The following UTP18 variants were observed in gnomAD, a reference collection of about 807,000 sequenced individuals.
UTP18 encodes UTP18 small subunit processome component.
Under a neutral mutation model 61.1 loss-of-function variants are expected in UTP18, and 36 were observed. The observed-to-expected ratio is 0.59, with a 90% confidence interval of 0.45 to 0.78. The LOEUF (loss-of-function observed/expected upper bound fraction) is 0.78. Ranked by LOEUF, UTP18 falls within the 30% of genes least tolerant of loss-of-function variation. The probability of loss-of-function intolerance (pLI) is 0.00; values close to 1 mark genes in which losing one functional copy is unlikely to be tolerated. For synonymous variants in UTP18, 282 were observed against 251.1 expected (o/e 1.12, Z -1.16); for missense variants, 753 against 693.9 (o/e 1.09, Z -0.96).
chr17:51,288,309 C>A, intron 11 of UTP18, 106 bp downstream of exon 11: 2 of 1,154,950 alleles, frequency 1.7e-6, no homozygotes, highest in Non-Finnish European at 2.4e-6. Context: ...AAAACAGTGG[C>A]TTCTTTTGAT....
Position 51,281,176 on chromosome 17 carries a change from C to T in UTP18, c.1204+697C>T, listed in dbSNP as rs1280574227. On this transcript the variant is annotated intron_variant, in intron 9 of 13. Transcript: ENST00000225298. ...TATATATATATATATTTTTTTTAAA[C>T]GAAAAGTTGTGTTTGGTTTTAAAGT... 5.2e-5 allele frequency among the ~76,000 whole-genome samples: 7 copies of T among 135,764 alleles called. No homozygotes were observed. The East Asian group carries it at 1.2e-3, about 23-fold the overall frequency. 89.1% of individuals were successfully genotyped at this position (135,764 alleles called of 152,430 possible).
At chr17:51,297,150 C>A in intron 13 of UTP18, 147 bp downstream of exon 13, 1 of 673,226 alleles carries the variant, frequency 1.5e-6, no homozygotes, top group African/African-American at 1.9e-5. Flanking sequence ...GGAAGTAGAT[C>A]AGGAACTGTC....
intron 9 of UTP18, among the ~76,000 whole-genome samples, chr17:51,283,719 T>A (rs1259584992): frequency 6.6e-6 from 1 of 151,714 alleles, no homozygotes; most frequent in African/African-American, 2.4e-5. Flanking sequence ...GTTCAGGCGA[T>A]TCTCATGCCT....
chr17:51,286,837 T>C lies in UTP18; in HGVS notation c.1329-1192T>C, dbSNP rs546334945. ...ATTATAAGTAGTTTTTAAATTTTTT[T>C]TATTATACTTTTAAGTTTTAGGGTA... On this transcript the variant is annotated intron_variant, in intron 10 of 13. Transcript: ENST00000225298. Among the ~76,000 whole-genome samples the C allele has an allele frequency of 8.5e-5, 13 of 152,342 alleles. No homozygotes were observed. The East Asian group carries it at 1.3e-3, about 16-fold the overall frequency.
At chr17:51,267,605 T>TGGGCTTA (rs889083814) in intron 3 of UTP18, among the ~76,000 whole-genome samples, 85 of 152,208 alleles carry the variant, frequency 5.6e-4, no homozygotes, top group Admixed American at 2.0e-4. Flanking sequence ...TATTTCCTGT[T>TGGGCTTA]AAGTTGGGCT....
Position 51,260,590 on chromosome 17 carries a change from G to A in UTP18, c.6G>A (p.Pro2=), listed in dbSNP as rs761316312. 6 of 1,611,936 alleles carry A rather than the reference G, an allele frequency of 3.7e-6. No homozygotes were observed. The highest frequency in any genetic ancestry group is 5.1e-6 in the Non-Finnish European group (6 of 1,179,482). Residue 2 remains proline (P), a synonymous_variant, in exon 1 of 14, where the codon CCG becomes CCA. Coordinates refer to ENST00000225298, the MANE Select transcript of UTP18 (RefSeq NM_016001.3). The part of the protein sequence containing the change: M[P]PERRRRMKLD... The stretch of plus-strand genomic sequence containing the variant: ...GTTTCTCCTCAAACCTAACGATGCC[G>A]CCGGAGCGGAGGAGACGAATGAAAC...
At position 51,260,632 on chromosome 17, in the gene UTP18, A is replaced by T. The variant is rs117093534; in HGVS notation, c.48A>T (p.Gly16=). ...GAATGAAACTGGACCGGAGAACCGG[A>T]GCGAAGCCGAAGCGGAAGCCCGGAA... The part of the protein sequence containing the change: ...RRRMKLDRRT[G]AKPKRKPGMR... Residue 16 remains glycine, a synonymous_variant, in exon 1 of 14, where the codon GGA becomes GGT. Coordinates refer to ENST00000225298, the MANE Select transcript of UTP18 (RefSeq NM_016001.3). 3 of 1,612,482 alleles carry T rather than the reference A, an allele frequency of 1.9e-6. No homozygotes were observed. Among genetic ancestry groups the T allele is most frequent in the African/African-American group, 1.3e-5 (1 of 74,894 alleles).
Position 51,294,033 on chromosome 17 carries a change from C to A in UTP18, c.1634C>A (p.Ala545Asp). The change falls in exon 12 of 14, where the codon GCC (alanine) becomes GAC (aspartate). Residue 545 changes from alanine to aspartate, a missense_variant. Ala to Asp is a moderately radical substitution (Grantham distance 126). Transcript: ENST00000225298. ...GCCTTGGGGAATGAAAAGGGCAAGG[C>A]CCTGATGTATAGGTAGGTATTATTT... is the stretch of plus-strand genomic sequence containing the variant. ...YFALGNEKGK[A>D]LMYRLHHYSD... 1.9e-6 allele frequency: 3 copies of A among 1,603,450 alleles called. No homozygotes were observed. The highest frequency in any genetic ancestry group is 2.6e-6 in the Non-Finnish European group (3 of 1,176,004).
chr17:51,277,922 C>G (rs1904784639), intron 7 of UTP18, among the ~76,000 whole-genome samples: 1 of 152,140 alleles, frequency 6.6e-6, no homozygotes, highest in African/African-American at 2.4e-5. Context: ...CAAAGCCCTT[C>G]TAATGAGGTT....
At chr17:51,282,142 G>C (rs1904951960) in intron 9 of UTP18, among the ~76,000 whole-genome samples, 1 of 152,230 alleles carries the variant, frequency 6.6e-6, no homozygotes, top group Non-Finnish European at 1.5e-5. Context: ...GTGTTTGGTA[G>C]CGGGAGACTT....
Sources: gnomAD v4.1 joint callset for allele counts (sites outside exome capture counted in the v4.1 genomes callset) on GRCh38, gnomAD v4.1.1 for gene constraint, MANE v1.5 for transcripts, NCBI Gene and HGNC (gene_info 2026-07-23, HGNC 2026-07-21) for gene names.